Variants in ANK3 observed in about 807,000 individuals in gnomAD.
ANK3 encodes the protein ankyrin-3.
A neutral mutation model predicts 370.9 loss-of-function variants in ANK3; 57 were observed. That is an observed-to-expected ratio of 0.15 (90% CI 0.12 to 0.19). The LOEUF is 0.19. Among genes scored for constraint, ANK3 ranks in the 10% least tolerant of loss-of-function variants. ANK3 has a pLI of 1.00. For synonymous variants in ANK3, 1,929 were observed against 1,946.3 expected, an observed-to-expected ratio of 0.99 and a Z score of 0.23; for missense variants, 4,439 against 5,302.1, an observed-to-expected ratio of 0.84 and a Z score of 5.06.
chr10:60,212,528 A>G (rs2096873017), intron 9 of ANK3, among the ~76,000 whole-genome samples: 1 of 152,138 alleles, frequency 6.6e-6, no homozygotes, highest in Non-Finnish European at 1.5e-5. Context: ...TATACAATGA[A>G]AACATCATGG....
At chr10:60,391,774 T>C (rs1293217553), upstream of ANK3, among the ~76,000 whole-genome samples, 1 of 152,168 alleles carries the variant, frequency 6.6e-6, no homozygotes, top group Non-Finnish European at 1.5e-5. Flanking sequence ...ATTAGGAAAA[T>C]AAGCCACAGG....
chr10:60,229,875 G>A (rs114232545), intron 8 of ANK3, among the ~76,000 whole-genome samples: 89 of 152,250 alleles, frequency 5.8e-4, no homozygotes, highest in African/African-American at 2.0e-3. Flanking sequence ...AGATGACCAC[G>A]TGCATCTTAG....
chr10:60,511,128 G>A lies in ANK3; in HGVS notation c.96+104058C>T, dbSNP rs972842589. Among the ~76,000 whole-genome samples the A allele has an allele frequency of 4.6e-5, 7 of 152,124 alleles. No homozygotes were observed. In the South Asian group the frequency reaches 1.4e-3, roughly 31 times the overall value. On this transcript the variant is annotated intron_variant, in intron 2 of 43. Transcript: ENST00000373827. ...TTATTGACTGCTCTGGATATCACTT[G>A]AACACCGGTATGAAATTAAGCAGGC...
intron 2 of ANK3, among the ~76,000 whole-genome samples, chr10:60,400,874 T>G (rs1050987888): frequency 7.2e-5 from 11 of 152,042 alleles, no homozygotes; most frequent in South Asian, 4.1e-4. Context: ...CCCACCCCAC[T>G]TCCCAACAGG....
intron 7 of ANK3, among the ~76,000 whole-genome samples, chr10:60,251,663 T>C (rs2097667960): frequency 1.3e-5 from 2 of 152,248 alleles, no homozygotes; most frequent in African/African-American, 4.8e-5. Flanking sequence ...TGCATCATAC[T>C]AGGGGGCAAC....
At chr10:60,558,001 T>C (rs969678801) in intron 2 of ANK3, among the ~76,000 whole-genome samples, 2 of 152,158 alleles carry the variant, frequency 1.3e-5, no homozygotes, top group Non-Finnish European at 2.9e-5. Context: ...GCTGTATTGT[T>C]AGAGACACTG....
At chr10:60,242,986 G>A (rs1015441506) in intron 7 of ANK3, among the ~76,000 whole-genome samples, 6 of 152,030 alleles carry the variant, frequency 3.9e-5, no homozygotes, top group African/African-American at 9.7e-5. Flanking sequence ...TGCTGTCACC[G>A]TACTTACTTT....
intron 23 of ANK3, among the ~76,000 whole-genome samples, chr10:60,158,188 C>T (rs1474959359): frequency 3.9e-5 from 6 of 152,092 alleles, no homozygotes; most frequent in Non-Finnish European, 8.8e-5. Context: ...TGAGAGATTT[C>T]ATGAAAAACC....
At position 60,033,890 on chromosome 10, in the gene ANK3, C is replaced by A. The variant is rs562975664; in HGVS notation, c.*20-4064G>T. Among the ~76,000 whole-genome samples, 5 of 152,220 alleles carry A rather than the reference C, an allele frequency of 3.3e-5. No homozygotes were observed. In the South Asian group the frequency reaches 1.0e-3, roughly 32 times the overall value. On this transcript the variant is annotated intron_variant, in intron 43 of 43. Coordinates refer to ENST00000280772, the MANE Select transcript of ANK3 (RefSeq NM_020987.5). ...GATTAAAACAACAACAATATCCAGG[C>A]CACATCCCATACCAGTTTATATAGA... is the stretch of plus-strand genomic sequence containing the variant.
At position 60,694,952 on chromosome 10, in the gene ANK3, C is replaced by T. The variant is rs539005778; in HGVS notation, c.57+38311G>A. Reference sequence around the variant, plus strand: ...GCTCCAATTAAAAGACACAGACTGGCAAATTGGATAAAGAGTCAAGACCCA... The same window carrying T: ...GCTCCAATTAAAAGACACAGACTGGTAAATTGGATAAAGAGTCAAGACCCA... On this transcript the variant is annotated intron_variant, in intron 1 of 43. Transcript: ENST00000373827. Among the ~76,000 whole-genome samples, 427 of 148,514 alleles carry T rather than the reference C, an allele frequency of 2.9e-3. 2 individuals carry two copies. The highest frequency in any genetic ancestry group is 0.01 in the African/African-American group (405 of 39,992).
intron 7 of ANK3, among the ~76,000 whole-genome samples, chr10:60,242,072 T>C (rs895594162): frequency 1.3e-5 from 2 of 152,226 alleles, no homozygotes; most frequent in African/African-American, 2.4e-5. Flanking sequence ...AGCCCTTTTT[T>C]CTTTTGTAGT....
chr10:60,174,877 G>A (rs529290736), intron 18 of ANK3, among the ~76,000 whole-genome samples: 3 of 151,896 alleles, frequency 2.0e-5, no homozygotes, highest in Non-Finnish European at 2.9e-5. Flanking sequence ...GCACCACCAC[G>A]CCTGGCTAAT....
chr10:60,292,414 A>T (rs1389824216), intron 1 of ANK3, among the ~76,000 whole-genome samples: 2 of 152,088 alleles, frequency 1.3e-5, no homozygotes, highest in Non-Finnish European at 2.9e-5. Flanking sequence ...AATTCAAAAC[A>T]TACAGCAGCC....
At chr10:60,103,780 C>A (rs1489303154) in intron 28 of ANK3, among the ~76,000 whole-genome samples, 1 of 152,094 alleles carries the variant, frequency 6.6e-6, no homozygotes, top group East Asian at 1.9e-4. Flanking sequence ...TAAAATGGAA[C>A]CAAAGTTTAT....
chr10:60,711,822 G>C (rs868667514), intron 1 of ANK3, among the ~76,000 whole-genome samples: 2 of 152,006 alleles, frequency 1.3e-5, no homozygotes, highest in Non-Finnish European at 2.9e-5. Context: ...AACTTTGGAA[G>C]CAGCCAGAGG....
chr10:60,264,463 T>C (rs1380218954), intron 5 of ANK3, among the ~76,000 whole-genome samples: 1 of 151,932 alleles, frequency 6.6e-6, no homozygotes, highest in African/African-American at 2.4e-5. Context: ...ATGATCAACA[T>C]TGTGAAACCC....
intron 1 of ANK3, among the ~76,000 whole-genome samples, chr10:60,374,176 C>A (rs568489664): frequency 6.6e-6 from 1 of 151,992 alleles, no homozygotes; most frequent in Non-Finnish European, 1.5e-5. Flanking sequence ...CTCTCAGGAC[C>A]AGTGTCAGGG....
At chr10:60,520,051 T>C (rs1192886535) in intron 2 of ANK3, among the ~76,000 whole-genome samples, 4 of 152,136 alleles carry the variant, frequency 2.6e-5, no homozygotes, top group East Asian at 1.9e-4. Context: ...GGTCTGTTGA[T>C]GTAAAATTCC....
rs1030472772 is a variant in ANK3 at position 60,045,931 on chromosome 10, T to C, written c.13066-3172A>G. 5.9e-5 allele frequency among the ~76,000 whole-genome samples: 9 copies of C among 152,250 alleles called. No homozygotes were observed. In the South Asian group the frequency reaches 1.9e-3, roughly 32 times the overall value. On this transcript the variant is annotated intron_variant, in intron 42 of 43. Coordinates refer to ENST00000280772, the MANE Select transcript of ANK3 (RefSeq NM_020987.5). ...TTTTGTTCTCATTTTTTTTTTTTCT[T>C]ATTACAAAGTGACTTTGTGTTCTTA...
Sources: allele counts gnomAD v4.1 joint callset (sites outside exome capture counted in the v4.1 genomes callset), GRCh38; gene constraint gnomAD v4.1.1; transcripts MANE v1.5; gene names NCBI Gene and HGNC (gene_info 2026-07-23, HGNC 2026-07-21).